Variants in MEIKIN observed in about 807,000 individuals in gnomAD.
The protein encoded by MEIKIN is meiotic kinetochore factor.
chr5:131,852,048 C>A (rs141287974), intron 10 of MEIKIN, among the ~76,000 whole-genome samples: 62 of 151,984 alleles, frequency 4.1e-4, no homozygotes, highest in East Asian at 1.9e-4. Context: ...GAAATAAATG[C>A]GCATAAACTG....
chr5:131,927,466 A>G (rs1751606049), intron 5 of MEIKIN, among the ~76,000 whole-genome samples: 1 of 152,168 alleles, frequency 6.6e-6, no homozygotes. Context: ...TTTTGTATAC[A>G]TGTTAGGTCC....
intron 11 of MEIKIN, among the ~76,000 whole-genome samples, chr5:131,841,809 T>G (rs1347338161): frequency 6.6e-6 from 1 of 152,210 alleles, no homozygotes; most frequent in Non-Finnish European, 1.5e-5. Flanking sequence ...GCCTCCTTGG[T>G]TGTATTTGTT....
At chr5:131,816,846 G>A (rs1490327248) in intron 12 of MEIKIN, among the ~76,000 whole-genome samples, 2 of 152,174 alleles carry the variant, frequency 1.3e-5, no homozygotes, top group African/African-American at 4.8e-5. Context: ...CTGTAAATTA[G>A]GTTGGGTAGC....
At chr5:131,871,094 T>C (rs543756059) in intron 9 of MEIKIN, among the ~76,000 whole-genome samples, 5 of 152,318 alleles carry the variant, frequency 3.3e-5, no homozygotes, top group Non-Finnish European at 2.9e-5. Context: ...ACGGGTGATT[T>C]CTGCATTTCC....
At chr5:131,863,761 T>G (rs2149620742) in intron 9 of MEIKIN, among the ~76,000 whole-genome samples, 1 of 152,226 alleles carries the variant, frequency 6.6e-6, no homozygotes, top group East Asian at 1.9e-4. Flanking sequence ...CTCTGAGAGA[T>G]AACTGAATCA....
At chr5:131,862,179 T>C (rs547786402) in intron 9 of MEIKIN, among the ~76,000 whole-genome samples, 142 of 152,272 alleles carry the variant, frequency 9.3e-4, no homozygotes, top group African/African-American at 3.3e-3. Flanking sequence ...TCAATCTTGG[T>C]AGGTTGTATG....
chr5:131,850,824 T>C (rs1037907028), intron 11 of MEIKIN, among the ~76,000 whole-genome samples: 1 of 151,896 alleles, frequency 6.6e-6, no homozygotes, highest in Non-Finnish European at 1.5e-5. Context: ...CCTGCAGTCC[T>C]AGCTATTCGA....
chr5:131,887,562 T>C (rs1490445774), intron 8 of MEIKIN, among the ~76,000 whole-genome samples: 1 of 152,206 alleles, frequency 6.6e-6, no homozygotes, highest in Non-Finnish European at 1.5e-5. Context: ...CACTGTGCTT[T>C]TGATTTGCAT....
intron 9 of MEIKIN, among the ~76,000 whole-genome samples, chr5:131,870,897 A>G (rs907866296): frequency 3.4e-4 from 51 of 152,096 alleles, no homozygotes; most frequent in Middle Eastern, 3.2e-3. Context: ...TACAGTGACA[A>G]TCTAGTGTAG....
At position 131,857,793 on chromosome 5, in the gene MEIKIN, C is replaced by A. The variant is rs558026506; in HGVS notation, c.775-2959G>T. On this transcript the variant is annotated intron_variant, in intron 9 of 12. Coordinates refer to ENST00000442687, the MANE Select transcript of MEIKIN (RefSeq NM_001303622.2). ...GCAAGCGCAGGTGACCATACTTCCTCTCTCCCACTGGCATGTGTGTGTACA... is the reference window on the plus strand; with the variant it reads ...GCAAGCGCAGGTGACCATACTTCCTATCTCCCACTGGCATGTGTGTGTACA... Among the ~76,000 whole-genome samples, 3 of 152,340 alleles carry A rather than the reference C, an allele frequency of 2.0e-5. No homozygotes were observed. In the South Asian group the frequency reaches 6.2e-4, roughly 32 times the overall value.
At chr5:131,936,365 T>C (rs994750638) in intron 4 of MEIKIN, among the ~76,000 whole-genome samples, 2 of 152,218 alleles carry the variant, frequency 1.3e-5, no homozygotes, top group African/African-American at 4.8e-5. Context: ...TCAACTCTAT[T>C]AATGATTTCT....
chr5:131,937,257 A>C (rs908534220), intron 4 of MEIKIN, among the ~76,000 whole-genome samples: 2 of 152,204 alleles, frequency 1.3e-5, no homozygotes, highest in Admixed American at 1.3e-4. Flanking sequence ...CTAACAACTG[A>C]GTGACAGTTT....
intron 12 of MEIKIN, among the ~76,000 whole-genome samples, chr5:131,809,692 G>A (rs1387941295): frequency 1.3e-5 from 2 of 152,002 alleles, no homozygotes; most frequent in Admixed American, 6.6e-5. Flanking sequence ...TGTAATCCCA[G>A]CTACTCGGGA....
intron 12 of MEIKIN, among the ~76,000 whole-genome samples, chr5:131,818,262 T>C (rs946900458): frequency 1.3e-5 from 2 of 152,130 alleles, no homozygotes; most frequent in Non-Finnish European, 1.5e-5. Flanking sequence ...CTACTAAAAT[T>C]GAAACCAAAA....
intron 8 of MEIKIN, among the ~76,000 whole-genome samples, chr5:131,890,748 CCTT>C (rs1750896927): frequency 1.3e-5 from 2 of 152,076 alleles, no homozygotes; most frequent in Non-Finnish European, 2.9e-5. Context: ...TTATTTCTTG[CCTT>C]CTTCTAGCTT....
intron 11 of MEIKIN, among the ~76,000 whole-genome samples, chr5:131,849,830 G>A (rs919585102): frequency 4.6e-5 from 7 of 151,716 alleles, no homozygotes; most frequent in African/African-American, 1.7e-4. Flanking sequence ...GGAGCAATTA[G>A]GCGATTAGGA....
chr5:131,904,411 T>C (rs1357825076), intron 8 of MEIKIN, among the ~76,000 whole-genome samples: 1 of 152,118 alleles, frequency 6.6e-6, no homozygotes, highest in African/African-American at 2.4e-5. Context: ...CAAAGTCAGG[T>C]ACAAAAGAAT....
At chr5:131,875,570 C>T (rs933606692) in intron 9 of MEIKIN, among the ~76,000 whole-genome samples, 2 of 151,996 alleles carry the variant, frequency 1.3e-5, no homozygotes, top group Non-Finnish European at 2.9e-5. Flanking sequence ...CCATACTGCC[C>T]CAGGTAATTT....
At chr5:131,917,129 C>T (rs571000091) in intron 6 of MEIKIN, among the ~76,000 whole-genome samples, 1 of 152,274 alleles carries the variant, frequency 6.6e-6, no homozygotes, top group South Asian at 2.1e-4. Context: ...ACAGGAATCT[C>T]TCCCTTGTAT....
Sources: allele counts gnomAD v4.1 joint callset (sites outside exome capture counted in the v4.1 genomes callset), GRCh38; gene constraint gnomAD v4.1.1; transcripts MANE v1.5; gene names NCBI Gene and HGNC (gene_info 2026-07-23, HGNC 2026-07-21).